CNTN3: variants seen among roughly 807,000 people sequenced by gnomAD.
CNTN3 encodes contactin 3, also known as contactin-3.
In CNTN3, 60 loss-of-function variants were observed where a neutral mutation model predicts 119.1. That is an observed-to-expected ratio of 0.50 (90% confidence interval 0.41 to 0.62). CNTN3 has a LOEUF of 0.62. Among genes scored for constraint, CNTN3 ranks in the 20% least tolerant of loss-of-function variants. The pLI, the probability that CNTN3 is intolerant of heterozygous loss-of-function variation, is 0.00. For missense variants in CNTN3, 1,101 were observed against 1,242.4 expected (o/e 0.89, Z 1.71); for synonymous variants, 450 against 438.7 (o/e 1.03, Z -0.32).
At chr3:74,291,849 T>C (rs1392270252) in intron 19 of CNTN3, among the ~76,000 whole-genome samples, 1 of 152,108 alleles carries the variant, frequency 6.6e-6, no homozygotes, top group Admixed American at 6.5e-5. Context: ...CTGGGGGCCA[T>C]GTTTGGTGAG....
Position 74,301,681 on chromosome 3 carries a change from T to A in CNTN3, c.1911A>T (p.Thr637=). 1 of 1,614,064 alleles carries A rather than the reference T, an allele frequency of 6.2e-7. No homozygotes were observed. The highest frequency in any genetic ancestry group is 8.5e-7 in the Non-Finnish European group (1 of 1,179,968). ...PVISYSIQAR[T]PFSVGWQTVT... is the part of the protein sequence containing the mutation. ...CGGTTTGCCAACCCACGGAGAAAGGTGTCCGAGCCTGGATAGAATAGGATA... is the reference window on the plus strand; with the variant it reads ...CGGTTTGCCAACCCACGGAGAAAGGAGTCCGAGCCTGGATAGAATAGGATA... Residue 637 remains threonine (T), a synonymous_variant, in exon 15 of 23, where the codon ACA becomes ACT. Coordinates refer to ENST00000263665, the MANE Select transcript of CNTN3 (RefSeq NM_020872.3).
chr3:74,555,711 T>C (rs1207721540), intron 1 of CNTN3, among the ~76,000 whole-genome samples: 1 of 152,212 alleles, frequency 6.6e-6, no homozygotes, highest in Non-Finnish European at 1.5e-5. Context: ...GAGGTGTTTA[T>C]AGTATTCTCT....
At chr3:74,368,556 T>C (rs1704254951) in intron 8 of CNTN3, among the ~76,000 whole-genome samples, 1 of 151,738 alleles carries the variant, frequency 6.6e-6, no homozygotes, top group Non-Finnish European at 1.5e-5. Context: ...AAATAAGAGG[T>C]TTGAAAAAAA....
chr3:74,431,040 A>G (rs1197788570), intron 4 of CNTN3, among the ~76,000 whole-genome samples: 1 of 152,124 alleles, frequency 6.6e-6, no homozygotes, highest in Non-Finnish European at 1.5e-5. Flanking sequence ...TTAGGGAAGA[A>G]CACTCCTTCT....
intron 5 of CNTN3, among the ~76,000 whole-genome samples, chr3:74,414,108 G>A (rs180871348): frequency 7.9e-5 from 12 of 152,310 alleles, no homozygotes; most frequent in Admixed American, 7.2e-4. Context: ...CCACACCTGG[G>A]CATGTGGATG....
At chr3:74,315,291 AT>A (rs1358866614) in intron 13 of CNTN3, among the ~76,000 whole-genome samples, 1 of 152,210 alleles carries the variant, frequency 6.6e-6, no homozygotes, top group African/African-American at 2.4e-5. Flanking sequence ...ATAAACAACC[AT>A]AAAAATAGTT....
chr3:74,458,750 T>C (rs1431059768), intron 4 of CNTN3, among the ~76,000 whole-genome samples: 1 of 152,070 alleles, frequency 6.6e-6, no homozygotes, highest in Non-Finnish European at 1.5e-5. Flanking sequence ...ATGGAACTAT[T>C]CTGTAGCTTG....
At chr3:74,579,575 A>G (rs1243893766) in intron 1 of CNTN3, among the ~76,000 whole-genome samples, 1 of 152,182 alleles carries the variant, frequency 6.6e-6, no homozygotes, top group Non-Finnish European at 1.5e-5. Flanking sequence ...ATAGTATGTT[A>G]TGTGACAACA....
intron 4 of CNTN3, among the ~76,000 whole-genome samples, chr3:74,471,573 T>C (rs1189078352): frequency 6.6e-6 from 1 of 152,168 alleles, no homozygotes; most frequent in African/African-American, 2.4e-5. Context: ...TGCCACTGTT[T>C]ATGGGCCTCT....
At position 74,458,081 on chromosome 3, in the gene CNTN3, A is replaced by G. The variant is rs568300486; in HGVS notation, c.358+28375T>C. On this transcript the variant is annotated intron_variant, in intron 4 of 22. Transcript: ENST00000263665. Reference sequence around the variant, plus strand: ...AGAGTGTTCCAGACAAATGGAGACAAACTGTCACCCTCAGTCAATCTATCA... The same window carrying G: ...AGAGTGTTCCAGACAAATGGAGACAGACTGTCACCCTCAGTCAATCTATCA... 2.6e-5 allele frequency among the ~76,000 whole-genome samples: 4 copies of G among 152,146 alleles called. No homozygotes were observed. In the South Asian group the frequency reaches 8.3e-4, roughly 32 times the overall value.
At chr3:74,591,026 C>T (rs1575852140) in intron 1 of CNTN3, among the ~76,000 whole-genome samples, 2 of 151,824 alleles carry the variant, frequency 1.3e-5, no homozygotes, top group Non-Finnish European at 2.9e-5. Context: ...CCCTGAAATC[C>T]AAGCTTAATT....
chr3:74,603,534 TGA>T (rs1467781549), intron 1 of CNTN3, among the ~76,000 whole-genome samples: 4 of 152,172 alleles, frequency 2.6e-5, no homozygotes, highest in Admixed American at 6.5e-5. Flanking sequence ...TAGAAGCCAC[TGA>T]GATTTTTGAA....
chr3:74,378,625 G>A (rs1393863980), intron 5 of CNTN3, among the ~76,000 whole-genome samples: 2 of 152,136 alleles, frequency 1.3e-5, no homozygotes, highest in Non-Finnish European at 2.9e-5. Flanking sequence ...AAATATATTG[G>A]AACACAATCA....
chr3:74,357,596 T>C (rs1703967397), intron 11 of CNTN3, among the ~76,000 whole-genome samples: 2 of 152,264 alleles, frequency 1.3e-5, no homozygotes, highest in Middle Eastern at 3.4e-3. Context: ...GTTTATTCAG[T>C]GCTTAAGAAA....
Position 74,302,726 on chromosome 3 carries a change from C to T in CNTN3, c.1750G>A (p.Asp584Asn), listed in dbSNP as rs376704849. ...AGGTCAGCAGCAGATGAAACACTGTCCACCCCCGTTTGCACCATACAAACA... is the reference window on the plus strand; with the variant it reads ...AGGTCAGCAGCAGATGAAACACTGTTCACCCCCGTTTGCACCATACAAACA... ...KYVCMVQTGV[D>N]SVSSAADLIV... The change falls in exon 14 of 23, where the codon GAC becomes AAC. Residue 584 changes from aspartate to asparagine, a missense_variant. By Grantham distance (23) the Asp-to-Asn change is conservative. Transcript: ENST00000263665. The T allele has an allele frequency of 1.9e-6, 3 of 1,613,056 alleles. No individual in the cohort carries two copies. The highest frequency in any genetic ancestry group is 2.5e-6 in the Non-Finnish European group (3 of 1,179,388).
At chr3:74,369,132 T>G in intron 8 of CNTN3, 57 bp downstream of exon 8, 1 of 1,346,154 alleles carries the variant, frequency 7.4e-7, no homozygotes. Flanking sequence ...AACAACCATA[T>G]TTTATAGATG....
chr3:74,324,216 CTT>C (rs5850169), intron 13 of CNTN3, among the ~76,000 whole-genome samples: 79 of 110,182 alleles, frequency 7.2e-4, no homozygotes, highest in African/African-American at 1.9e-3. Context: ...TCTTCTTCTT[CTT>C]TTTTTTTTTT....
intron 20 of CNTN3, among the ~76,000 whole-genome samples, chr3:74,269,143 T>A (rs961913081): frequency 6.6e-6 from 1 of 152,000 alleles, no homozygotes; most frequent in African/African-American, 2.4e-5. Context: ...TAAACGTCAG[T>A]CATGTATCAT....
intron 5 of CNTN3, among the ~76,000 whole-genome samples, chr3:74,418,489 C>T (rs1202092453): frequency 6.6e-6 from 1 of 151,256 alleles, no homozygotes; most frequent in East Asian, 2.0e-4. Context: ...TTACAGGCAC[C>T]TGCCACCATG....
Sources: gnomAD v4.1 joint callset for allele counts (sites outside exome capture counted in the v4.1 genomes callset) on GRCh38, gnomAD v4.1.1 for gene constraint, MANE v1.5 for transcripts, NCBI Gene and HGNC (gene_info 2026-07-23, HGNC 2026-07-21) for gene names.